ABCC12: variants seen among roughly 807,000 people sequenced by gnomAD.
ABCC12 encodes ATP binding cassette subfamily C member 12.
In ABCC12, 142 loss-of-function variants were observed where a neutral mutation model predicts 151.1. The observed-to-expected ratio is 0.94, with a 90% CI of 0.82 to 1.08. ABCC12 has a LOEUF of 1.08. Among genes scored for constraint, ABCC12 ranks in the 50% least tolerant of loss-of-function variants. The pLI, the probability that ABCC12 is intolerant of heterozygous loss-of-function variation, is 0.00. For synonymous variants in ABCC12, 645 were observed against 646.4 expected (o/e 1.00, Z 0.03); for missense variants, 1,638 against 1,691.1 (o/e 0.97, Z 0.55).
chr16:48,106,697 A>G (rs1963504338), intron 20 of ABCC12, among the ~76,000 whole-genome samples: 1 of 152,210 alleles, frequency 6.6e-6, no homozygotes, highest in Non-Finnish European at 1.5e-5. Flanking sequence ...AGGATGGGCC[A>G]GCGTCCCCAC....
intron 26 of ABCC12, 36 bp from the exon 27 acceptor site, chr16:48,088,121 A>T (rs1385893246): frequency 6.9e-6 from 11 of 1,601,296 alleles, no homozygotes; most frequent in Non-Finnish European, 9.4e-6. Flanking sequence ...CAAATCAAAC[A>T]TCAGTTTGTG....
chr16:48,085,766 T>TC, intron 28 of ABCC12, 60 bp from the exon 29 acceptor site: 1 of 1,360,592 alleles, frequency 7.3e-7, no homozygotes, highest in East Asian at 2.3e-5. Context: ...TCCTATGCTG[T>TC]CTGTATTGAT....
At chr16:48,144,664 C>T (rs1964939400) in intron 3 of ABCC12, among the ~76,000 whole-genome samples, 1 of 152,174 alleles carries the variant, frequency 6.6e-6, no homozygotes, top group African/African-American at 2.4e-5. Context: ...GCCTTTTCCT[C>T]CTTCCCTACA....
rs530154102 is a variant in ABCC12, at chr16:48,089,468, G to C, written c.3286-734C>G. ...AAAAAAACATTTAAGTCTCCTAAGAGTCCAAGAAATGCAAGGTCTAATTAA... is the reference window on the plus strand; with the variant it reads ...AAAAAAACATTTAAGTCTCCTAAGACTCCAAGAAATGCAAGGTCTAATTAA... On this transcript the variant is annotated intron_variant, in intron 25 of 30. Transcript: ENST00000311303. Among the ~76,000 whole-genome samples the C allele has an allele frequency of 5.3e-5, 8 of 152,274 alleles. No homozygotes were observed. The East Asian group carries it at 1.5e-3, about 29-fold the overall frequency.
chr16:48,152,891 G>A (rs1389826207), intron 2 of ABCC12, among the ~76,000 whole-genome samples: 1 of 152,234 alleles, frequency 6.6e-6, no homozygotes, highest in Non-Finnish European at 1.5e-5. Context: ...AAAGGATACA[G>A]AAGAGATGTG....
chr16:48,084,885 A>T (rs1000786577), intron 29 of ABCC12, among the ~76,000 whole-genome samples: 1 of 152,090 alleles, frequency 6.6e-6, no homozygotes. Context: ...GAGCACTTGA[A>T]CTTAACCCCT....
Position 48,083,545 on chromosome 16 carries a change from T to G in ABCC12, c.*170A>C. 2 of 694,226 alleles carry G rather than the reference T, an allele frequency of 2.9e-6. No homozygotes were observed. The highest frequency in any genetic ancestry group is 2.6e-5 in the Admixed American group (1 of 38,304). 43.0% of individuals were successfully genotyped at this position (694,226 alleles called of 1,614,324 possible). On this transcript the variant is annotated 3_prime_UTR_variant, in exon 31 of 31. Transcript: ENST00000311303. ...CCAACCCCAAGCCCACCAAGTGGGG[T>G]GACATGGACTGAGTATGGCAGTGGG...
In ABCC12 at chr16:48,121,651, T is replaced by A. The variant is rs377553593; in HGVS notation, c.1712+65A>T. The A allele has an allele frequency of 1.1e-5, 18 of 1,586,446 alleles. No homozygotes were observed. The East Asian group carries it at 2.7e-4, about 24-fold the overall frequency. ...CACTTAGCAGTCATTACCAACAGCA[T>A]CAGCATCTGTAGGAGAGTGTGTACC... On this transcript the variant is annotated intron_variant, in intron 13 of 30. Coordinates refer to ENST00000311303, the MANE Select transcript of ABCC12 (RefSeq NM_001393797.1).
intron 3 of ABCC12, 57 bp from the exon 4 acceptor site, chr16:48,144,122 C>G: frequency 1.3e-6 from 2 of 1,559,728 alleles, no homozygotes; most frequent in South Asian, 1.2e-5. Context: ...CCCCAACTCT[C>G]TCTCTGGATT....
Position 48,140,879 on chromosome 16 carries a change from G to A in ABCC12, c.465C>T (p.Thr155=), listed in dbSNP as rs893487225. Residue 155 remains threonine (T), a synonymous_variant, in exon 6 of 31, where the codon ACC becomes ACT. Coordinates refer to ENST00000311303, the MANE Select transcript of ABCC12 (RefSeq NM_001393797.1). The part of the protein sequence containing the change: ...IHQILQQTER[T]SGKVWVGIGL... ...CAATGCCAACCCAGACTTTCCCAGA[G>A]GTCCTCTCAGTCTGCTGGAGGATTT... is the stretch of plus-strand genomic sequence containing the variant. The A allele has an allele frequency of 6.2e-7, 1 of 1,614,134 alleles. No homozygotes were observed. Among genetic ancestry groups the A allele is most frequent in the Non-Finnish European group, 8.5e-7 (1 of 1,180,024 alleles).
At chr16:48,101,099 G>A in intron 22 of ABCC12, 90 bp from the exon 23 acceptor site, 1 of 1,460,034 alleles carries the variant, frequency 6.8e-7, no homozygotes, top group Non-Finnish European at 9.3e-7. Context: ...TAGGCACTCA[G>A]CACAGTGCTT....
intron 14 of ABCC12, 65 bp downstream of exon 14, chr16:48,117,196 C>A (rs1475813248): frequency 5.4e-6 from 8 of 1,480,724 alleles, no homozygotes; most frequent in Non-Finnish European, 7.4e-6. Context: ...TGGCCTCAGC[C>A]CTTTGGACCT....
rs1962697326 is a variant in ABCC12, at chr16:48,088,010, T to C, written c.3551A>G (p.Asp1184Gly). 6.2e-7 allele frequency: 1 copy of C among 1,614,184 alleles called. No individual in the cohort carries two copies. The highest frequency in any genetic ancestry group is 2.2e-5 in the East Asian group (1 of 44,878). The change falls in exon 27 of 31, where the codon GAT becomes GGT. Residue 1184 changes from aspartate to glycine, a missense_variant. By Grantham distance (94) the Asp-to-Gly change is moderately conservative (BLOSUM62 -1). Coordinates refer to ENST00000311303, the MANE Select transcript of ABCC12 (RefSeq NM_001393797.1). ...GTCTTCCAAGCTGAGAATGCAGATA[T>C]CCACCTCATCAATAAAGATTGTGCC... The part of the protein sequence containing the change: ...ASGTIFIDEV[D>G]ICILSLEDLR...
rs971086196 is a variant in ABCC12, at chr16:48,117,300, C to T, written c.1746G>A (p.Gln582=). The stretch of plus-strand genomic sequence containing the variant: ...CATAGGGGAGGTTGCTCAGGTCCTT[C>T]TGGAGGCCACAGACGCGGACTGTGT... ...YQHTVRVCGL[Q]KDLSNLPYGD... Residue 582 remains glutamine, a synonymous_variant, in exon 14 of 31, where the codon CAG becomes CAA. Coordinates refer to ENST00000311303, the MANE Select transcript of ABCC12 (RefSeq NM_001393797.1). 2.7e-5 allele frequency: 44 copies of T among 1,613,920 alleles called. No individual in the cohort carries two copies. Among genetic ancestry groups the T allele is most frequent in the Non-Finnish European group, 3.6e-5 (43 of 1,179,946 alleles).
chr16:48,123,689 GC>G (rs1167100593), intron 12 of ABCC12, among the ~76,000 whole-genome samples: 1 of 152,220 alleles, frequency 6.6e-6, no homozygotes, highest in East Asian at 1.9e-4. Context: ...AAATGGCTTA[GC>G]CATTTTCCCT....
chr16:48,155,376 T>TAA (rs111585385), intron 1 of ABCC12, among the ~76,000 whole-genome samples: 2 of 125,142 alleles, frequency 1.6e-5, no homozygotes, highest in Non-Finnish European at 3.5e-5. Context: ...ATTTAAAAGT[T>TAA]AAAAAAAAAA....
intron 22 of ABCC12, 41 bp downstream of exon 22, chr16:48,104,101 T>G (rs774021883): frequency 6.4e-7 from 1 of 1,557,842 alleles, no homozygotes; most frequent in East Asian, 2.2e-5. Flanking sequence ...AGTCAGTGTG[T>G]GTGTGTATCG....
rs568396025 is a variant in ABCC12 at position 48,113,679 on chromosome 16, C to T, written c.1989+1736G>A. ...CAGCAGGACCAAGATCTTGTGCCAC[C>T]TGGTGGCTACCTGCCTCTTCCAACT... is the stretch of plus-strand genomic sequence containing the variant. On this transcript the variant is annotated intron_variant, in intron 15 of 30. Transcript: ENST00000311303. Among the ~76,000 whole-genome samples, 7 of 152,308 alleles carry T rather than the reference C, an allele frequency of 4.6e-5. No individual in the cohort carries two copies. In the East Asian group the frequency reaches 1.3e-3, roughly 29 times the overall value.
chr16:48,112,494 T>C (rs780541215), intron 15 of ABCC12, among the ~76,000 whole-genome samples: 10 of 151,518 alleles, frequency 6.6e-5, no homozygotes, highest in South Asian at 4.2e-4. Context: ...ACTCAGGAGG[T>C]TGAGGCAGGA....
Sources: gnomAD v4.1 joint callset for allele counts (sites outside exome capture counted in the v4.1 genomes callset) on GRCh38, gnomAD v4.1.1 for gene constraint, MANE v1.5 for transcripts, NCBI Gene and HGNC (gene_info 2026-07-23, HGNC 2026-07-21) for gene names.